Variants in CACNA1I observed in about 807,000 individuals in gnomAD.
CACNA1I encodes voltage-dependent T-type calcium channel subunit alpha-1I.
A neutral mutation model predicts 201.6 loss-of-function variants in CACNA1I; 74 were observed. The observed-to-expected ratio is 0.37, with a 90% CI of 0.30 to 0.45. The LOEUF (loss-of-function observed/expected upper bound fraction) is 0.45, where lower values mean the gene tolerates loss of function less well. Ranked by LOEUF, CACNA1I falls within the 20% of genes least tolerant of loss-of-function variation. CACNA1I has a pLI of 1.00. For missense variants in CACNA1I, 2,346 were observed against 3,138.1 expected (o/e 0.75, Z 6.03); for synonymous variants, 1,431 against 1,345.2 (o/e 1.06, Z -1.40).
intron 4 of CACNA1I, among the ~76,000 whole-genome samples, chr22:39,628,331 G>C (rs1386802962): frequency 6.6e-6 from 1 of 152,114 alleles, no homozygotes; most frequent in Non-Finnish European, 1.5e-5. Flanking sequence ...TGATCTGATC[G>C]GGGCAGGGGC....
chr22:39,674,026 T>G lies in CACNA1I; in HGVS notation c.4847T>G (p.Leu1616Trp). 1 of 1,613,352 alleles carries G rather than the reference T, an allele frequency of 6.2e-7. No homozygotes were observed. Among genetic ancestry groups the G allele is most frequent in the South Asian group, 1.1e-5 (1 of 91,068 alleles). Residue 1616 changes from leucine (L) to tryptophan (W), a missense_variant, in exon 29 of 37, where the codon TTG becomes TGG. Around this residue, in one of 13 missense-constraint regions of CACNA1I, gnomAD observed 50 missense variants for 43.6 expected, o/e 1.15. Transcript: ENST00000402142. ...CTGCTGGACACGGTGGTGCAAGCTT[T>G]GCCCCAGGTAAGAGCCACTCTTTCT... ...RALLDTVVQA[L>W]PQVGNLGLLF...
chr22:39,620,633 CAGTT>C (rs1933717990), intron 4 of CACNA1I, among the ~76,000 whole-genome samples: 2 of 152,162 alleles, frequency 1.3e-5, no homozygotes, highest in African/African-American at 4.8e-5. Flanking sequence ...AGGCTGGAGT[CAGTT>C]AGGTCTTCTG....
At chr22:39,575,664 C>T (rs1932320887) in intron 1 of CACNA1I, among the ~76,000 whole-genome samples, 1 of 152,188 alleles carries the variant, frequency 6.6e-6, no homozygotes, top group Non-Finnish European at 1.5e-5. Flanking sequence ...GCTAATCGAG[C>T]CTGCCGGCAT....
chr22:39,593,929 C>T (rs1932851026), intron 1 of CACNA1I, among the ~76,000 whole-genome samples: 1 of 152,146 alleles, frequency 6.6e-6, no homozygotes. Flanking sequence ...CAGCAAGTGC[C>T]TGGTTATCGT....
At chr22:39,577,056 A>T (rs1402344995) in intron 1 of CACNA1I, among the ~76,000 whole-genome samples, 2 of 151,516 alleles carry the variant, frequency 1.3e-5, no homozygotes, top group Non-Finnish European at 2.9e-5. Flanking sequence ...GTTTCAAGTT[A>T]TTCTCCTGCC....
At chr22:39,580,503 G>A (rs539333017) in intron 1 of CACNA1I, among the ~76,000 whole-genome samples, 1 of 152,288 alleles carries the variant, frequency 6.6e-6, no homozygotes, top group East Asian at 1.9e-4. Context: ...TGGGGGCACT[G>A]GTGAAGCCTG....
intron 34 of CACNA1I, among the ~76,000 whole-genome samples, chr22:39,682,237 C>T (rs1935726395): frequency 6.6e-6 from 1 of 152,226 alleles, no homozygotes; most frequent in African/African-American, 2.4e-5. Context: ...CCTTCGCCAG[C>T]CTTGACCTGG....
intron 1 of CACNA1I, chr22:39,571,236 G>T: frequency 1.8e-6 from 1 of 554,220 alleles, no homozygotes; most frequent in Non-Finnish European, 3.3e-6. Flanking sequence ...CAGTCCAGTG[G>T]CTGGCTGGCT....
chr22:39,664,730 C>T lies in CACNA1I; in HGVS notation c.3667-9C>T. On this transcript the variant is annotated splice_polypyrimidine_tract_variant and intron_variant, in intron 20 of 36. Coordinates refer to ENST00000402142, the MANE Select transcript of CACNA1I (RefSeq NM_021096.4). ...CGGCAGCCTGACCCCGGCCCCACCC[C>T]CGCCCCAGGTAGTCTCGCTGGGCCT... 1 of 1,543,236 alleles carries T rather than the reference C, an allele frequency of 6.5e-7. No homozygotes were observed. Among genetic ancestry groups the T allele is most frequent in the Non-Finnish European group, 8.8e-7 (1 of 1,135,926 alleles).
At position 39,686,111 on chromosome 22, in the gene CACNA1I, C is replaced by G; in HGVS notation, c.6378C>G (p.Thr2126=). ...GCGCGGGCAGCGAGCACTCGGAGAC[C>G]CTCAGCAGCCTCTCGCTCACCTCCC... ...GGGAGSEHSE[T]LSSLSLTSLF... Residue 2126 remains threonine (T), a synonymous_variant, in exon 37 of 37, where the codon ACC becomes ACG. Transcript: ENST00000402142. 1.6e-6 allele frequency: 2 copies of G among 1,261,022 alleles called. No homozygotes were observed. Among genetic ancestry groups the G allele is most frequent in the Non-Finnish European group, 2.0e-6 (2 of 1,006,766 alleles). The allele number at this position is 1,261,022 out of a possible 1,614,324, so 78.1% of individuals were successfully genotyped here.
intron 14 of CACNA1I, 57 bp from the exon 15 acceptor site, chr22:39,660,286 AG>A: frequency 7.5e-7 from 1 of 1,325,088 alleles, no homozygotes; most frequent in Non-Finnish European, 1.1e-6. Context: ...TTCTAGAGGG[AG>A]CTGGGAAGGG....
chr22:39,645,416 G>A (rs916353750), intron 7 of CACNA1I, among the ~76,000 whole-genome samples: 13 of 152,280 alleles, frequency 8.5e-5, no homozygotes, highest in East Asian at 7.7e-4. Flanking sequence ...AGGCAGGGGC[G>A]GGTAGGAGCC....
At position 39,677,055 on chromosome 22, in the gene CACNA1I, T is replaced by G. The variant is rs1935532031; in HGVS notation, c.4855-286T>G. Among the ~76,000 whole-genome samples the G allele has an allele frequency of 6.6e-6, 1 of 152,184 alleles. No homozygotes were observed. Among genetic ancestry groups the G allele is most frequent in the South Asian group, 2.1e-4 (1 of 4,828 alleles). ...TGGGGATAAAAGATAGTTCGTGGAT[T>G]ATTGTGAGGAGGAAGTGAGCTCATG... On this transcript the variant is annotated intron_variant, in intron 29 of 36. Transcript: ENST00000402142. The surrounding 1 kb of genome is among the most constrained non-coding windows in gnomAD (Gnocchi z 4.8).
At position 39,599,200 on chromosome 22, in the gene CACNA1I, G is replaced by A. The variant is rs547792324; in HGVS notation, c.348+938G>A. ...CCTGACCTCGTGATCTGCCTGCCTC[G>A]GCCTCCCAAAGTGCTGGGATTACAG... On this transcript the variant is annotated intron_variant, in intron 2 of 36. Transcript: ENST00000402142. Among the ~76,000 whole-genome samples the A allele has an allele frequency of 4.3e-4, 63 of 147,504 alleles. 1 individual carries two copies. The highest frequency in any genetic ancestry group is 7.9e-4 in the Non-Finnish European group (53 of 66,676).
chr22:39,583,197 A>AATTC (rs1555901013), intron 1 of CACNA1I, among the ~76,000 whole-genome samples: 3 of 119,782 alleles, frequency 2.5e-5, no homozygotes, highest in African/African-American at 3.5e-5. Context: ...TCTATCCAAC[A>AATTC]ATCCATCCAT....
intron 4 of CACNA1I, among the ~76,000 whole-genome samples, chr22:39,625,499 C>T (rs138214442): frequency 2.0e-5 from 3 of 152,262 alleles, no homozygotes; most frequent in South Asian, 2.1e-4. Context: ...TTTCCCTACT[C>T]GTACAAACAA....
At position 39,664,075 on chromosome 22, in the gene CACNA1I, C is replaced by G; in HGVS notation, c.3598-16C>G. ...CTGGGAGCCCCTGAGCCTATGGTAT[C>G]TCCCGATGCTTTCAGGAACGCATCT... On this transcript the variant is annotated splice_polypyrimidine_tract_variant and intron_variant, in intron 19 of 36. Coordinates refer to ENST00000402142, the MANE Select transcript of CACNA1I (RefSeq NM_021096.4). 1 of 1,612,652 alleles carries G rather than the reference C, an allele frequency of 6.2e-7. No individual in the cohort carries two copies. Among genetic ancestry groups the G allele is most frequent in the Non-Finnish European group, 8.5e-7 (1 of 1,178,924 alleles).
chr22:39,575,334 C>T (rs1347073839), intron 1 of CACNA1I, among the ~76,000 whole-genome samples: 1 of 152,174 alleles, frequency 6.6e-6, no homozygotes, highest in African/African-American at 2.4e-5. Context: ...GGTGGTAATA[C>T]CCACTCCACA....
chr22:39,650,688 G>A (rs901654587), intron 10 of CACNA1I, among the ~76,000 whole-genome samples: 1 of 152,264 alleles, frequency 6.6e-6, no homozygotes, highest in Non-Finnish European at 1.5e-5. Context: ...ATGGCGCTGA[G>A]GGCGAGTGGC....
Sources: gnomAD v4.1 joint callset for allele counts (sites outside exome capture counted in the v4.1 genomes callset) on GRCh38, gnomAD v4.1.1 for gene constraint, gnomAD v4.1.1 regional missense constraint, Gnocchi (gnomAD v3.1) non-coding constraint, MANE v1.5 for transcripts, NCBI Gene and HGNC (gene_info 2026-07-23, HGNC 2026-07-21) for gene names.